The following SCN9A variants were observed in gnomAD, a reference collection of about 807,000 sequenced individuals.
SCN9A encodes the protein sodium voltage-gated channel alpha subunit 9, also known as sodium channel protein type 9 subunit alpha.
In SCN9A, 131 loss-of-function variants were observed where a neutral mutation model predicts 187.0. That is an observed-to-expected ratio of 0.70 (90% CI 0.61 to 0.81). SCN9A has a LOEUF of 0.81. Among genes scored for constraint, SCN9A ranks in the 30% least tolerant of loss-of-function variants. The pLI, the probability that SCN9A is intolerant of heterozygous loss-of-function variation, is 0.00. For missense variants in SCN9A, 2,252 were observed against 2,396.6 expected (o/e 0.94, Z 1.26); for synonymous variants, 809 against 808.6 (o/e 1.00, Z -0.01).
intron 1 of SCN9A, among the ~76,000 whole-genome samples, chr2:166,373,320 T>A (rs1411409641): frequency 6.6e-6 from 1 of 151,620 alleles, no homozygotes; most frequent in Non-Finnish European, 1.5e-5. Flanking sequence ...CTCTTTTTTT[T>A]TTTTTTTAAA....
At chr2:166,305,966 A>G (rs372744611) in intron 4 of SCN9A, 46 bp from the exon 5 acceptor site, 1 of 1,601,608 alleles carries the variant, frequency 6.2e-7, no homozygotes, top group Non-Finnish European at 8.5e-7. Context: ...AAAGAATACA[A>G]CCACCATGTA....
chr2:166,251,486 C>A (rs1251924146), intron 18 of SCN9A, among the ~76,000 whole-genome samples: 1 of 151,992 alleles, frequency 6.6e-6, no homozygotes, highest in Admixed American at 6.6e-5. Context: ...TTCCATTGAT[C>A]TGGGAATACG....
chr2:166,286,682 A>G, intron 10 of SCN9A, 59 bp from the exon 11 acceptor site: 1 of 1,355,270 alleles, frequency 7.4e-7, no homozygotes, highest in East Asian at 2.5e-5. Flanking sequence ...AGGAAACCCT[A>G]GGACAGGACA....
chr2:166,227,564 T>C, intron 23 of SCN9A, 106 bp downstream of exon 23: 1 of 725,800 alleles, frequency 1.4e-6, no homozygotes, highest in Non-Finnish European at 2.5e-6. Context: ...TTCTTCATTG[T>C]CTATGTGAGT....
At chr2:166,201,506 G>T (rs1693525153) in intron 26 of SCN9A, among the ~76,000 whole-genome samples, 1 of 80,784 alleles carries the variant, frequency 1.2e-5, no homozygotes, top group Admixed American at 1.5e-4. Flanking sequence ...TATAGAGTAT[G>T]CGTATACTAT....
chr2:166,324,913 G>A (rs908006467), intron 1 of SCN9A, among the ~76,000 whole-genome samples: 2 of 152,142 alleles, frequency 1.3e-5, no homozygotes, highest in African/African-American at 2.4e-5. Flanking sequence ...TCTTGAAAGA[G>A]AAAAAGGAAA....
rs1694859387 is a variant in SCN9A at position 166,226,767 on chromosome 2, T to C, written c.4261-63A>G. On this transcript the variant is annotated intron_variant, in intron 23 of 26. Transcript: ENST00000642356. ...AACATTCATTATTTTCTTTTTCACA[T>C]GGTTTGACCAGGTAATTCAAACAGT... 4 of 1,306,728 alleles carry C rather than the reference T, an allele frequency of 3.1e-6. No individual in the cohort carries two copies. In the South Asian group the frequency reaches 6.4e-5, roughly 21 times the overall value. 80.9% of individuals were successfully genotyped at this position (1,306,728 alleles called of 1,614,324 possible). A position where few individuals can be genotyped will look rare whatever the true frequency, so the allele number is the denominator to read the frequency against.
At chr2:166,259,901 A>G (rs1165089545) in intron 17 of SCN9A, among the ~76,000 whole-genome samples, 1 of 150,114 alleles carries the variant, frequency 6.7e-6, no homozygotes, top group African/African-American at 2.4e-5. Flanking sequence ...AAAAAAACAA[A>G]TGGTCTAAGT....
intron 17 of SCN9A, among the ~76,000 whole-genome samples, chr2:166,269,002 T>A (rs1019320883): frequency 1.3e-5 from 2 of 151,962 alleles, no homozygotes; most frequent in African/African-American, 4.8e-5. Flanking sequence ...AGCTTGTGTA[T>A]CTGTTACTAC....
At chr2:166,284,387 G>A in intron 12 of SCN9A, 66 bp downstream of exon 12, 2 of 1,538,228 alleles carry the variant, frequency 1.3e-6, no homozygotes, top group South Asian at 2.4e-5. Context: ...AGGCCCTTCA[G>A]CAGAGAGACT....
chr2:166,244,295 A>G (rs1381896651), intron 18 of SCN9A, among the ~76,000 whole-genome samples: 3 of 152,058 alleles, frequency 2.0e-5, no homozygotes, highest in Admixed American at 1.3e-4. Flanking sequence ...ATTTAGGGTG[A>G]GCAGAAAAAG....
chr2:166,271,373 T>C (rs1001514746), intron 17 of SCN9A, among the ~76,000 whole-genome samples: 3 of 152,076 alleles, frequency 2.0e-5, no homozygotes, highest in Non-Finnish European at 4.4e-5. Flanking sequence ...AGATGATAAA[T>C]ACAAGGGTGA....
At position 166,204,052 on chromosome 2, in the gene SCN9A, A is replaced by G. The variant is rs773380999; in HGVS notation, c.4677T>C (p.Thr1559=). 42 of 1,611,246 alleles carry G rather than the reference A, an allele frequency of 2.6e-5. No homozygotes were observed. The highest frequency in any genetic ancestry group is 3.6e-5 in the Non-Finnish European group (42 of 1,177,996). ...WINVVFIILF[T]GECVLKLISL... is the part of the protein sequence containing the mutation. ...AGATCAGTTTTAGCACACATTCTCC[A>G]GTGAAAAGGATTATAAAAACCACAT... The change falls in exon 26 of 27, where the codon ACT becomes ACC. Residue 1559 remains threonine (T), a synonymous_variant. Coordinates refer to ENST00000642356, the MANE Select transcript of SCN9A (RefSeq NM_001365536.1).
At chr2:166,221,217 A>T (rs1447059940) in intron 24 of SCN9A, among the ~76,000 whole-genome samples, 2 of 152,194 alleles carry the variant, frequency 1.3e-5, no homozygotes, top group African/African-American at 4.8e-5. Flanking sequence ...TAATATTGTT[A>T]AAATGCCCAT....
At chr2:166,343,546 T>A (rs898757799) in intron 1 of SCN9A, among the ~76,000 whole-genome samples, 4 of 152,202 alleles carry the variant, frequency 2.6e-5, no homozygotes, top group Admixed American at 6.5e-5. Context: ...GCAGTTCTGT[T>A]TTTTTCTTGT....
intron 7 of SCN9A, chr2:166,302,617 TATC>T (rs1051847163): frequency 6.6e-5 from 10 of 151,204 alleles, no homozygotes; most frequent in African/African-American, 2.4e-4. Context: ...TAATTAATAT[TATC>T]ATTATATATG....
intron 1 of SCN9A, among the ~76,000 whole-genome samples, chr2:166,359,749 T>G (rs1415240190): frequency 7.3e-6 from 1 of 136,838 alleles, no homozygotes; most frequent in Non-Finnish European, 1.6e-5. Flanking sequence ...TGCGATAATT[T>G]TATATTCAGA....
intron 9 of SCN9A, 133 bp from the exon 10 acceptor site, chr2:166,288,776 T>G: frequency 1.6e-6 from 1 of 606,320 alleles, no homozygotes; most frequent in Non-Finnish European, 2.7e-6. Flanking sequence ...AGAAAAGTTA[T>G]ATCTTCATGG....
intron 1 of SCN9A, among the ~76,000 whole-genome samples, chr2:166,315,159 C>T (rs1352412149): frequency 1.3e-5 from 2 of 152,128 alleles, no homozygotes; most frequent in Non-Finnish European, 2.9e-5. Context: ...GGTGAGAAGA[C>T]GGGATAACTT....
Sources: gnomAD v4.1 joint callset for allele counts (sites outside exome capture counted in the v4.1 genomes callset) on GRCh38, gnomAD v4.1.1 for gene constraint, MANE v1.5 for transcripts, NCBI Gene and HGNC (gene_info 2026-07-23, HGNC 2026-07-21) for gene names.